Variants in ADAM9 observed in about 807,000 individuals in gnomAD.
ADAM9 encodes disintegrin and metalloproteinase domain-containing protein 9.
A neutral mutation model predicts 108.1 loss-of-function variants in ADAM9; 54 were observed. The ratio of observed to expected loss-of-function variants is 0.50; its 90% CI spans 0.40 to 0.63. The LOEUF (loss-of-function observed/expected upper bound fraction) is 0.63, where lower values mean the gene tolerates loss of function less well. Among genes scored for constraint, ADAM9 ranks in the 20% least tolerant of loss-of-function variants. The pLI, the probability that ADAM9 is intolerant of heterozygous loss-of-function variation, is 0.00. For missense variants in ADAM9, 830 were observed against 997.7 expected (o/e 0.83, Z 2.26); for synonymous variants, 316 against 336.0 (o/e 0.94, Z 0.65).
chr8:39,067,036 A>C (rs1477974483), intron 14 of ADAM9, among the ~76,000 whole-genome samples: 1 of 152,140 alleles, frequency 6.6e-6, no homozygotes, highest in East Asian at 1.9e-4. Flanking sequence ...TGTTTTTGTC[A>C]GGTTTTTCAA....
At chr8:39,081,064 C>T (rs866447715) in intron 16 of ADAM9, among the ~76,000 whole-genome samples, 4 of 150,292 alleles carry the variant, frequency 2.7e-5, no homozygotes, top group Non-Finnish European at 4.4e-5. Context: ...AACGATTCTG[C>T]TGCCTCCCAG....
In ADAM9 at chr8:39,045,346, G is replaced by GTATA. The variant is rs1837681164; in HGVS notation, c.1302+3230_1302+3231insATAT. 4.5e-5 allele frequency among the ~76,000 whole-genome samples: 6 copies of GTATA among 132,988 alleles called. 1 individual carries two copies. The highest frequency in any genetic ancestry group is 2.3e-4 in the South Asian group (1 of 4,370). 87.2% of individuals were successfully genotyped at this position (132,988 alleles called of 152,430 possible). ...TACATGTGTGTGTACACCTATACAT[G>GTATA]TGTGTACATACATATAGGTGTGTGT... On this transcript the variant is annotated intron_variant, in intron 12 of 21. Coordinates refer to ENST00000487273, the MANE Select transcript of ADAM9 (RefSeq NM_003816.3).
At chr8:39,060,376 G>A (rs1272557714) in intron 14 of ADAM9, among the ~76,000 whole-genome samples, 1 of 152,224 alleles carries the variant, frequency 6.6e-6, no homozygotes, top group Admixed American at 6.5e-5. Context: ...CTATTGCAGA[G>A]TTTCTCTTTG....
intron 3 of ADAM9, among the ~76,000 whole-genome samples, chr8:39,013,266 G>A (rs1836415401): frequency 6.6e-6 from 1 of 152,058 alleles, no homozygotes. Flanking sequence ...TAAGAAAAGA[G>A]TGTAAAAAAC....
chr8:39,016,608 A>G (rs1379359081), intron 5 of ADAM9, among the ~76,000 whole-genome samples: 1 of 152,242 alleles, frequency 6.6e-6, no homozygotes, highest in Non-Finnish European at 1.5e-5. Context: ...ATTACAATTC[A>G]AATTAAGTTA....
chr8:39,027,961 G>T (rs1836976244), intron 11 of ADAM9, among the ~76,000 whole-genome samples: 1 of 152,098 alleles, frequency 6.6e-6, no homozygotes, highest in Admixed American at 6.5e-5. Flanking sequence ...GTTGGTGCGT[G>T]CCTGTAGTCC....
At chr8:39,018,972 G>A (rs905141477) in intron 7 of ADAM9, 54 bp downstream of exon 7, 2 of 1,467,982 alleles carry the variant, frequency 1.4e-6, no homozygotes, top group South Asian at 1.1e-5. Context: ...TGAGAAGTGA[G>A]CATTTAATGA....
intron 14 of ADAM9, among the ~76,000 whole-genome samples, chr8:39,061,913 A>C (rs1393062046): frequency 6.6e-6 from 1 of 152,078 alleles, no homozygotes; most frequent in Non-Finnish European, 1.5e-5. Context: ...GATATACTGT[A>C]GACTGTGTGG....
chr8:39,065,585 G>A (rs903189420), intron 14 of ADAM9, among the ~76,000 whole-genome samples: 7 of 148,370 alleles, frequency 4.7e-5, no homozygotes, highest in African/African-American at 1.5e-4. Context: ...GCGTGAACCC[G>A]GGAGGCGGAG....
intron 11 of ADAM9, among the ~76,000 whole-genome samples, chr8:39,032,288 C>T (rs1345639814): frequency 3.3e-5 from 5 of 152,276 alleles, no homozygotes; most frequent in Non-Finnish European, 7.3e-5. Flanking sequence ...GTGGGATCTA[C>T]AGAGGCAGCA....
Position 39,045,275 on chromosome 8 carries a change from C to CAT in ADAM9, c.1302+3161_1302+3162dup, listed in dbSNP as rs770605324. On this transcript the variant is annotated intron_variant, in intron 12 of 21. Coordinates refer to ENST00000487273, the MANE Select transcript of ADAM9 (RefSeq NM_003816.3). The stretch of plus-strand genomic sequence containing the variant: ...ATATGTGTATATATGTGTATACATA[C>CAT]ATATGTATATGTGTGTGTACACCTA... Among the ~76,000 whole-genome samples the CAT allele has an allele frequency of 2.1e-5, 3 of 141,262 alleles. 1 individual carries two copies. Among genetic ancestry groups the CAT allele is most frequent in the Admixed American group, 1.4e-4 (2 of 14,514 alleles). 92.7% of individuals were successfully genotyped at this position (141,262 alleles called of 152,430 possible).
intron 11 of ADAM9, among the ~76,000 whole-genome samples, chr8:39,036,772 G>A (rs1382457651): frequency 6.6e-6 from 1 of 152,060 alleles, no homozygotes; most frequent in Non-Finnish European, 1.5e-5. Context: ...CCAACACAGG[G>A]GATGTTGTTA....
intron 14 of ADAM9, 25 bp from the exon 15 acceptor site, chr8:39,071,273 T>C: frequency 1.2e-6 from 2 of 1,607,086 alleles, no homozygotes; most frequent in Non-Finnish European, 1.7e-6. Context: ...TTTTTTTTTC[T>C]TTTTTTAAAT....
chr8:39,018,179 T>A (rs147707074), intron 6 of ADAM9, among the ~76,000 whole-genome samples: 1 of 152,188 alleles, frequency 6.6e-6, no homozygotes, highest in Non-Finnish European at 1.5e-5. Context: ...ACATATGAGA[T>A]TCTGTTGCTG....
chr8:39,073,848 T>C lies in ADAM9; in HGVS notation c.1697+2445T>C, dbSNP rs148467470. On this transcript the variant is annotated intron_variant, in intron 15 of 21. Coordinates refer to ENST00000487273, the MANE Select transcript of ADAM9 (RefSeq NM_003816.3). ...TAGGAAGCATTTTATGTAATAGTAG[T>C]ATACAAACAATATAGTCATTAAGAA... Among the ~76,000 whole-genome samples, 60 of 152,316 alleles carry C rather than the reference T, an allele frequency of 3.9e-4. No individual in the cohort carries two copies. The East Asian group carries it at 0.011, about 27-fold the overall frequency.
chr8:39,073,718 A>G (rs1838767370), intron 15 of ADAM9, among the ~76,000 whole-genome samples: 5 of 152,172 alleles, frequency 3.3e-5, no homozygotes. Context: ...TTTGCTGGAC[A>G]TATACCATAT....
chr8:39,007,312 A>G (rs79182945), intron 1 of ADAM9, among the ~76,000 whole-genome samples: 9,364 of 152,296 alleles, frequency 0.061, 332 homozygotes, highest in African/African-American at 0.1. Flanking sequence ...ATCCACTTCA[A>G]TGACCCCAAC....
chr8:39,057,623 T>C (rs1170867883), intron 14 of ADAM9, among the ~76,000 whole-genome samples: 1 of 152,084 alleles, frequency 6.6e-6, no homozygotes, highest in Non-Finnish European at 1.5e-5. Context: ...AGCTAGTGTT[T>C]CAGTTCAATT....
intron 20 of ADAM9, among the ~76,000 whole-genome samples, chr8:39,099,476 A>G (rs1397492007): frequency 6.6e-6 from 1 of 152,190 alleles, no homozygotes; most frequent in Non-Finnish European, 1.5e-5. Context: ...ATTTGCAAGA[A>G]GTGAACATGT....
Sources: allele counts gnomAD v4.1 joint callset (sites outside exome capture counted in the v4.1 genomes callset), GRCh38; gene constraint gnomAD v4.1.1; transcripts MANE v1.5; gene names NCBI Gene and HGNC (gene_info 2026-07-23, HGNC 2026-07-21).